LDB2: variants seen among roughly 807,000 people sequenced by gnomAD.
The protein encoded by LDB2 is LIM domain-binding protein 2.
In LDB2, 12 loss-of-function variants were observed where a neutral mutation model predicts 44.3. That is an observed-to-expected ratio of 0.27 (90% CI 0.17 to 0.44). The LOEUF is 0.44. Ranked by LOEUF, LDB2 falls within the 20% of genes least tolerant of loss-of-function variation. The probability of loss-of-function intolerance (pLI) is 1.00; values close to 1 mark genes in which losing one functional copy is unlikely to be tolerated. For missense variants in LDB2, 344 were observed against 473.5 expected (o/e 0.73, Z 2.54); for synonymous variants, 164 against 174.8 (o/e 0.94, Z 0.49).
intron 1 of LDB2, among the ~76,000 whole-genome samples, chr4:16,844,474 C>T (rs1786553636): frequency 6.6e-6 from 1 of 152,092 alleles, no homozygotes; most frequent in African/African-American, 2.4e-5. Context: ...ACACTTGGGG[C>T]TCTCTCATAT....
At chr4:16,780,368 G>A (rs534729010) in intron 1 of LDB2, among the ~76,000 whole-genome samples, 8 of 152,184 alleles carry the variant, frequency 5.3e-5, no homozygotes, top group South Asian at 2.1e-4. Context: ...GATTATAGGC[G>A]CCTGCCACCA....
intron 1 of LDB2, among the ~76,000 whole-genome samples, chr4:16,880,455 G>A (rs1719722758): frequency 1.3e-5 from 2 of 152,148 alleles, no homozygotes; most frequent in Admixed American, 6.5e-5. Context: ...GAAGGAGCAC[G>A]TTTTTCTAGT....
At chr4:16,606,839 T>A (rs1724080557) in intron 2 of LDB2, among the ~76,000 whole-genome samples, 1 of 152,234 alleles carries the variant, frequency 6.6e-6, no homozygotes, top group South Asian at 2.1e-4. Flanking sequence ...CTCAAACCAA[T>A]GGGGACACCC....
At chr4:16,827,897 CTT>C (rs2110022678) in intron 1 of LDB2, among the ~76,000 whole-genome samples, 1 of 152,298 alleles carries the variant, frequency 6.6e-6, no homozygotes, top group Non-Finnish European at 1.5e-5. Flanking sequence ...TTCGTATCCT[CTT>C]ATCTCCTAAC....
chr4:16,750,093 C>G (rs568262283), intron 2 of LDB2, among the ~76,000 whole-genome samples: 1 of 152,242 alleles, frequency 6.6e-6, no homozygotes, highest in Admixed American at 6.5e-5. Context: ...CACAATTAAG[C>G]AAACTAATAT....
chr4:16,561,530 C>G (rs1269123704), intron 5 of LDB2, among the ~76,000 whole-genome samples: 1 of 152,102 alleles, frequency 6.6e-6, no homozygotes, highest in East Asian at 1.9e-4. Flanking sequence ...AGGACCTCTT[C>G]AAGGAGAACT....
In LDB2 at chr4:16,744,769, C is replaced by T. The variant is rs537873957; in HGVS notation, c.235+14389G>A. 4.6e-5 allele frequency among the ~76,000 whole-genome samples: 7 copies of T among 152,340 alleles called. No individual in the cohort carries two copies. In the South Asian group the frequency reaches 1.2e-3, roughly 27 times the overall value. ...GGGATTACAGGCCTGAGACACCGCGCCCAGCCAAGTCACGTGTTTTATGAA... is the reference window on the plus strand; with the variant it reads ...GGGATTACAGGCCTGAGACACCGCGTCCAGCCAAGTCACGTGTTTTATGAA... On this transcript the variant is annotated intron_variant, in intron 2 of 7. Coordinates refer to ENST00000304523, the MANE Select transcript of LDB2 (RefSeq NM_001290.5).
chr4:16,512,149 C>CTAAT, intron 5 of LDB2, 45 bp from the exon 6 acceptor site: 3 of 1,506,110 alleles, frequency 2.0e-6, no homozygotes, highest in Non-Finnish European at 2.7e-6. Context: ...CTTCATAACA[C>CTAAT]TAATTACAAT....
chr4:16,735,295 C>A (rs1306913145), intron 2 of LDB2, among the ~76,000 whole-genome samples: 1 of 152,104 alleles, frequency 6.6e-6, no homozygotes, highest in Non-Finnish European at 1.5e-5. Flanking sequence ...GAGGCTCAAA[C>A]CACCTGTCCA....
chr4:16,564,248 G>A lies in LDB2; in HGVS notation c.615+21674C>T, dbSNP rs369060567. Among the ~76,000 whole-genome samples the A allele has an allele frequency of 2.0e-4, 30 of 152,254 alleles. No homozygotes were observed. In the East Asian group the frequency reaches 4.6e-3, roughly 24 times the overall value. On this transcript the variant is annotated intron_variant, in intron 5 of 7. Transcript: ENST00000304523. ...GCTCATGCCTATAGTCCCAGCCTCA[G>A]TCCCCAGGAGGCTGAGACAGGAGAA... is the stretch of plus-strand genomic sequence containing the variant.
intron 1 of LDB2, among the ~76,000 whole-genome samples, chr4:16,864,005 G>A (rs915394958): frequency 6.6e-6 from 1 of 152,112 alleles, no homozygotes; most frequent in Admixed American, 6.5e-5. Flanking sequence ...AGGCTTCAAA[G>A]GAAGCCCAGC....
At chr4:16,812,996 CTCTT>C (rs2109873554) in intron 1 of LDB2, among the ~76,000 whole-genome samples, 1 of 151,288 alleles carries the variant, frequency 6.6e-6, no homozygotes, top group African/African-American at 2.5e-5. Context: ...CCTCAGTTTA[CTCTT>C]TTTTTTTTCT....
chr4:16,515,957 G>A (rs1427393425), intron 5 of LDB2, among the ~76,000 whole-genome samples: 2 of 151,998 alleles, frequency 1.3e-5, no homozygotes, highest in African/African-American at 4.8e-5. Context: ...TCTGCCTCCT[G>A]GGTTCACACC....
At chr4:16,823,169 T>C (rs1579995891) in intron 1 of LDB2, among the ~76,000 whole-genome samples, 2 of 152,338 alleles carry the variant, frequency 1.3e-5, no homozygotes, top group East Asian at 1.9e-4. Context: ...CCATAGAATT[T>C]GATTCACAAC....
intron 1 of LDB2, among the ~76,000 whole-genome samples, chr4:16,817,538 C>T (rs1026774623): frequency 6.6e-6 from 1 of 152,138 alleles, no homozygotes; most frequent in Admixed American, 6.5e-5. Context: ...AGAGCAAAGC[C>T]CTGCTCACAA....
chr4:16,688,192 TC>T (rs1375374144), intron 2 of LDB2, among the ~76,000 whole-genome samples: 1 of 152,202 alleles, frequency 6.6e-6, no homozygotes, highest in African/African-American at 2.4e-5. Flanking sequence ...ATGAGTGGCC[TC>T]CCCACAGTAG....
intron 2 of LDB2, among the ~76,000 whole-genome samples, chr4:16,643,365 A>G (rs1735745504): frequency 6.6e-6 from 1 of 152,232 alleles, no homozygotes; most frequent in African/African-American, 2.4e-5. Context: ...TTCCTTATCC[A>G]TATCAAAGGA....
intron 5 of LDB2, among the ~76,000 whole-genome samples, chr4:16,534,113 C>T (rs577832235): frequency 7.9e-5 from 12 of 152,118 alleles, no homozygotes; most frequent in Non-Finnish European, 1.8e-4. Flanking sequence ...ATGCACCATG[C>T]ACAACTCACG....
At chr4:16,616,113 C>T (rs144508281) in intron 2 of LDB2, among the ~76,000 whole-genome samples, 1 of 152,282 alleles carries the variant, frequency 6.6e-6, no homozygotes, top group African/African-American at 2.4e-5. Context: ...ACATTATATA[C>T]TAGTTACTGT....
Sources: gnomAD v4.1 joint callset for allele counts (sites outside exome capture counted in the v4.1 genomes callset) on GRCh38, gnomAD v4.1.1 for gene constraint, MANE v1.5 for transcripts, NCBI Gene and HGNC (gene_info 2026-07-23, HGNC 2026-07-21) for gene names.